Variants in PLIN4 observed in about 807,000 individuals in gnomAD.
PLIN4 encodes the protein perilipin-4.
In PLIN4, 57 loss-of-function variants were observed where a neutral mutation model predicts 52.4. The ratio of observed to expected loss-of-function variants is 1.09; its 90% CI spans 0.88 to 1.36. PLIN4 has a LOEUF of 1.36. Among genes scored for constraint, PLIN4 ranks in the 40% most tolerant of loss-of-function variants. PLIN4 has a pLI of 0.00. For missense variants in PLIN4, 1,757 were observed against 1,770.3 expected (o/e 0.99, Z 0.13); for synonymous variants, 826 against 785.4 (o/e 1.05, Z -0.86).
chr19:4,518,318 T>TGG (rs1976645052), intron 1 of PLIN4, 29 bp from the exon 2 acceptor site: 2 of 1,232,484 alleles, frequency 1.6e-6, no homozygotes, highest in Non-Finnish European at 1.0e-6. Context: ...GGTGCGTGAA[T>TGG]GGGGGTTCCC....
rs753309967 is a variant in PLIN4 at position 4,512,237 on chromosome 19, C to T, written c.1723G>A (p.Ala575Thr). 3 of 1,612,908 alleles carry T rather than the reference C, an allele frequency of 1.9e-6. No individual in the cohort carries two copies. The highest frequency in any genetic ancestry group is 2.2e-5 in the East Asian group (1 of 44,884). The change falls in exon 5 of 8, where the codon GCA (alanine) becomes ACA (threonine). Residue 575 changes from alanine (A) to threonine (T), a missense_variant. Physicochemically the swap from Ala to Thr is moderately conservative, Grantham distance 58 (BLOSUM62 0). Around this residue, in one of 7 missense-constraint regions of PLIN4, gnomAD observed 439 missense variants for 406.4 expected, o/e 1.08. Coordinates refer to ENST00000301286, the MANE Select transcript of PLIN4 (RefSeq NM_001367868.2). ...ACAGCCCCCTTGGCCACATTCGCTG[C>T]CCCCGTGAGCCCAGTGGACATCGTG... ...KDTMSTGLTG[A>T]ANVAKGAVQT...
At position 4,518,226 on chromosome 19, in the gene PLIN4, C is replaced by A; in HGVS notation, c.47G>T (p.Gly16Val). Reference protein sequence around the residue: ...EGRRDPPKPKGKTLGSFFGSL... With the variant: ...EGRRDPPKPKVKTLGSFFGSL... The stretch of plus-strand genomic sequence containing the variant: ...TGCCCCATTTCCCCTCTTTACCTTG[C>A]CCTTCGGTTTGGGGGGATCCCGTCT... Residue 16 changes from glycine to valine, a missense_variant, in exon 2 of 8, where the codon GGC becomes GTC. By Grantham distance (109) the Gly-to-Val change is moderately radical. This residue lies in a region of PLIN4 where 332 missense variants were observed against 310.8 expected (regional missense o/e 1.07). Transcript: ENST00000301286. 4.1e-6 allele frequency: 5 copies of A among 1,233,188 alleles called. No homozygotes were observed. Among genetic ancestry groups the A allele is most frequent in the South Asian group, 4.1e-5 (1 of 24,432 alleles). 76.4% of individuals were successfully genotyped at this position (1,233,188 alleles called of 1,614,324 possible). A position where few individuals can be genotyped will look rare whatever the true frequency, so the allele number is the denominator to read the frequency against.
intron 6 of PLIN4, 116 bp from the exon 7 acceptor site, chr19:4,505,063 C>A: frequency 1.1e-6 from 1 of 950,756 alleles, no homozygotes; most frequent in Non-Finnish European, 1.6e-6. Context: ...AGAAAGGCCA[C>A]GAGTTCCAAG....
intron 4 of PLIN4, 90 bp downstream of exon 4, chr19:4,516,527 G>GC (rs1199243308): frequency 1.4e-6 from 2 of 1,442,292 alleles, no homozygotes; most frequent in Admixed American, 4.0e-5. Context: ...GGAGGGAGCA[G>GC]CCCCCCAGAT....
At chr19:4,515,125 G>A (rs1168017482) in intron 4 of PLIN4, among the ~76,000 whole-genome samples, 1 of 151,574 alleles carries the variant, frequency 6.6e-6, no homozygotes, top group Non-Finnish European at 1.5e-5. Flanking sequence ...GCAGTGAGCC[G>A]AGATCGTGCC....
At position 4,511,022 on chromosome 19, in the gene PLIN4, G is replaced by A. The variant is rs1976293354; in HGVS notation, c.2938C>T (p.Gln980Ter). 6.2e-7 allele frequency: 1 copy of A among 1,613,242 alleles called. No individual in the cohort carries two copies. The highest frequency in any genetic ancestry group is 8.5e-7 in the Non-Finnish European group (1 of 1,179,868). ...GAVNVAKGTV[Q>*]TGVDASKAVL... ...GCCTTGGAGGCGTCCACGCCGGTCT[G>A]CACGGTTCCTTTGGCCACATTCACT... The change falls in exon 5 of 8, where the codon CAG becomes TAG. Residue 980 changes from glutamine (Q) to a stop codon, truncating the protein, a stop_gained. Transcript: ENST00000301286. LOFTEE classifies it high-confidence loss of function.
chr19:4,513,790 T>C, intron 4 of PLIN4, 89 bp from the exon 5 acceptor site: 1 of 1,448,444 alleles, frequency 6.9e-7, no homozygotes, highest in African/African-American at 1.4e-5. Flanking sequence ...CTAGTGTGCT[T>C]TGGGGCAAGG....
At chr19:4,517,132 C>T (rs781763945) in intron 3 of PLIN4, among the ~76,000 whole-genome samples, 4 of 152,200 alleles carry the variant, frequency 2.6e-5, no homozygotes, top group African/African-American at 4.8e-5. Flanking sequence ...TCCCTGTCAC[C>T]GTCCCTGATC....
At chr19:4,510,054 A>G (rs1221284820) in intron 5 of PLIN4, among the ~76,000 whole-genome samples, 4 of 128,046 alleles carry the variant, frequency 3.1e-5, no homozygotes, top group Non-Finnish European at 6.6e-5. Context: ...CAAACCAAAT[A>G]AATACATTTT....
intron 5 of PLIN4, among the ~76,000 whole-genome samples, chr19:4,509,250 G>T: frequency 7.8e-6 from 1 of 128,744 alleles, no homozygotes; most frequent in Non-Finnish European, 1.6e-5. Context: ...GGCGGAGCTT[G>T]CAGTGAGCCG....
rs1976036878 is a variant in PLIN4 at position 4,504,728 on chromosome 19, C to T, written c.3847G>A (p.Ala1283Thr). The T allele has an allele frequency of 1.9e-6, 3 of 1,599,508 alleles. No homozygotes were observed. Among genetic ancestry groups the T allele is most frequent in the Non-Finnish European group, 1.7e-6 (2 of 1,175,014 alleles). The part of the protein sequence containing the change: ...VCGLLRQLHT[A>T]YSGLVSSLQG... ...AGGCTGGAGACCAGGCCACTGTAGG[C>T]CGTGTGCAGCTGCCGGAGAAGGCCG... Residue 1283 changes from alanine (A) to threonine (T), a missense_variant, in exon 8 of 8, where the codon GCC (alanine) becomes ACC (threonine). Around this residue, in one of 7 missense-constraint regions of PLIN4, gnomAD observed 712 missense variants for 637.1 expected, o/e 1.12. Transcript: ENST00000301286.
Position 4,511,978 on chromosome 19 carries a change from G to A in PLIN4, c.1982C>T (p.Thr661Ile), listed in dbSNP as rs1976390598. The A allele has an allele frequency of 5.0e-6, 8 of 1,603,582 alleles. No individual in the cohort carries two copies. Among genetic ancestry groups the A allele is most frequent in the Non-Finnish European group, 6.0e-6 (7 of 1,174,066 alleles). ...TGLKTTQNIATGTKNTFGSGV... is the reference protein window; with the variant it reads ...TGLKTTQNIAIGTKNTFGSGV... ...ACTGCCAAAGGTGTTCTTTGTACCTGTCGCGATATTTTGGGTCGTTTTCAG... is the reference window on the plus strand; with the variant it reads ...ACTGCCAAAGGTGTTCTTTGTACCTATCGCGATATTTTGGGTCGTTTTCAG... The change falls in exon 5 of 8, where the codon ACA (threonine) becomes ATA (isoleucine). Residue 661 changes from threonine (T) to isoleucine (I), a missense_variant. Transcript: ENST00000301286.
chr19:4,516,870 C>T (rs1466506240), intron 3 of PLIN4, among the ~76,000 whole-genome samples, 192 bp from the exon 4 acceptor site: 1 of 152,224 alleles, frequency 6.6e-6, no homozygotes, highest in Non-Finnish European at 1.5e-5. Context: ...CTGGGGGCTC[C>T]CCCCAAGCCC....
In PLIN4 at chr19:4,510,441, C is replaced by T. The variant is rs1471106385; in HGVS notation, c.3514+5G>A. 4.3e-6 allele frequency: 6 copies of T among 1,411,436 alleles called. No individual in the cohort carries two copies. Among genetic ancestry groups the T allele is most frequent in the Non-Finnish European group, 5.6e-6 (6 of 1,078,888 alleles). The allele number at this position is 1,411,436 out of a possible 1,614,324, so 87.4% of individuals were successfully genotyped here. A position where few individuals can be genotyped will look rare whatever the true frequency, so the allele number is the denominator to read the frequency against. On this transcript the variant is annotated splice_donor_5th_base_variant and intron_variant, in intron 5 of 7. Transcript: ENST00000301286. Reference sequence around the variant, plus strand: ...AGGGACCCATGAACCCAGGCGTCCCCTCACCTTGCTCCTCCGCATTCATGG... The same window carrying T: ...AGGGACCCATGAACCCAGGCGTCCCTTCACCTTGCTCCTCCGCATTCATGG...
At chr19:4,508,045 C>T (rs1976148894) in intron 6 of PLIN4, among the ~76,000 whole-genome samples, 1 of 152,162 alleles carries the variant, frequency 6.6e-6, no homozygotes, top group African/African-American at 2.4e-5. Flanking sequence ...CCCTGGATCC[C>T]ATCCTGGCTT....
chr19:4,517,554 C>T lies in PLIN4; in HGVS notation c.196G>A (p.Val66Met). 1 of 1,608,280 alleles carries T rather than the reference C, an allele frequency of 6.2e-7. No individual in the cohort carries two copies. Among genetic ancestry groups the T allele is most frequent in the Non-Finnish European group, 8.5e-7 (1 of 1,177,908 alleles). ...AAEAAQPQAQ[V>M]AAHPEQTAPW... ...GCCCCCAGCTGGGCCAGCCACTCAC[C>T]CTGAGCCTGTGGTTGGGCAGCCTCG... Residue 66 changes from valine (V) to methionine (M), a missense_variant and splice_region_variant, in exon 3 of 8, where the codon GTG (valine) becomes ATG (methionine). Physicochemically the swap from Val to Met is conservative, Grantham distance 21. Transcript: ENST00000301286.
At chr19:4,508,541 A>G (rs1246157590) in intron 6 of PLIN4, among the ~76,000 whole-genome samples, 2 of 152,194 alleles carry the variant, frequency 1.3e-5, no homozygotes, top group East Asian at 3.9e-4. Flanking sequence ...TGCTGGGGTT[A>G]CAGGCGTGAG....
At position 4,510,746 on chromosome 19, in the gene PLIN4, T is replaced by C. The variant is rs1178955124; in HGVS notation, c.3214A>G (p.Thr1072Ala). The C allele has an allele frequency of 3.2e-6, 5 of 1,555,120 alleles. No homozygotes were observed. Among genetic ancestry groups the C allele is most frequent in the Non-Finnish European group, 4.3e-6 (5 of 1,150,438 alleles). The change falls in exon 5 of 8, where the codon ACC (threonine) becomes GCC (alanine). Residue 1072 changes from threonine to alanine, a missense_variant. Transcript: ENST00000301286. The part of the protein sequence containing the change: ...TSWGGLTSSR[T>A]TDNGGEQTAL... ...GTCTGCTCCCCACCATTGTCTGTGG[T>C]CCTGGAACTGGTGAGTCCACCCCAG... is the stretch of plus-strand genomic sequence containing the variant.
In PLIN4 at chr19:4,512,374, G is replaced by A; in HGVS notation, c.1586C>T (p.Thr529Ile). Residue 529 changes from threonine to isoleucine, a missense_variant, in exon 5 of 8, where the codon ACC (threonine) becomes ATC (isoleucine). By Grantham distance (89) the Thr-to-Ile change is moderately conservative. Around this residue, in one of 7 missense-constraint regions of PLIN4, gnomAD observed 439 missense variants for 406.4 expected, o/e 1.08. Transcript: ENST00000301286. ...ACTGCAGACGGTGTCCTTGGTGCCG[G>A]TTAGGACAGTCTTGGTGGTGTCTAC... ...TGVDTTKTVL[T>I]GTKDTVCSGV... The A allele has an allele frequency of 6.2e-7, 1 of 1,608,984 alleles. No individual in the cohort carries two copies. The highest frequency in any genetic ancestry group is 8.5e-7 in the Non-Finnish European group (1 of 1,177,964).
Sources: gnomAD v4.1 joint callset for allele counts (sites outside exome capture counted in the v4.1 genomes callset) on GRCh38, gnomAD v4.1.1 for gene constraint, gnomAD v4.1.1 regional missense constraint, MANE v1.5 for transcripts, NCBI Gene and HGNC (gene_info 2026-07-23, HGNC 2026-07-21) for gene names.